CEACAM20: variants seen among roughly 807,000 people sequenced by gnomAD.
CEACAM20 encodes cell adhesion molecule CEACAM20.
CEACAM20 carries 50 observed loss-of-function variants against 61.2 expected under a neutral mutation model. That is an observed-to-expected ratio of 0.82 (90% CI 0.65 to 1.03). The LOEUF (loss-of-function observed/expected upper bound fraction) is 1.03. Among genes scored for constraint, CEACAM20 ranks in the 50% least tolerant of loss-of-function variants. The probability of loss-of-function intolerance (pLI) is 0.00; values close to 1 mark genes in which losing one functional copy is unlikely to be tolerated. For missense variants in CEACAM20, 683 were observed against 736.4 expected, an observed-to-expected ratio of 0.93 and a Z score of 0.84; for synonymous variants, 282 against 287.7, an observed-to-expected ratio of 0.98 and a Z score of 0.20.
chr19:44,515,939 A>C (rs749598855), intron 6 of CEACAM20, among the ~76,000 whole-genome samples: 111 of 152,282 alleles, frequency 7.3e-4, no homozygotes, highest in Non-Finnish European at 8.4e-4. Flanking sequence ...CACACACACA[A>C]AAAAAGGAAT....
At chr19:44,517,709 A>G (rs989825111) in intron 5 of CEACAM20, among the ~76,000 whole-genome samples, 26 of 151,620 alleles carry the variant, frequency 1.7e-4, no homozygotes, top group Admixed American at 1.0e-3. Flanking sequence ...AAAAAAAAAA[A>G]AAAGAAAAAA....
chr19:44,517,317 A>C lies in CEACAM20; in HGVS notation c.1031-93T>G, dbSNP rs1004174951. 2.0e-6 allele frequency: 3 copies of C among 1,467,640 alleles called. No individual in the cohort carries two copies. The Admixed American group carries it at 5.3e-5, about 26-fold the overall frequency. 90.9% of individuals were successfully genotyped at this position (1,467,640 alleles called of 1,614,324 possible). A position where few individuals can be genotyped will look rare whatever the true frequency, so the allele number is the denominator to read the frequency against. ...ACTTTCACCTTGGAATTTCAGTAAA[A>C]TAAACAGAACATACTCCCTTTTCCT... On this transcript the variant is annotated intron_variant, in intron 5 of 11. Coordinates refer to ENST00000614924, the MANE Select transcript of CEACAM20 (RefSeq NM_001102597.3).
chr19:44,511,186 C>G (rs1196561540), intron 10 of CEACAM20, 31 bp from the exon 11 acceptor site: 1 of 1,610,508 alleles, frequency 6.2e-7, no homozygotes, highest in East Asian at 2.2e-5. Context: ...TAGGCAGGGC[C>G]CACAGACACA....
chr19:44,525,044 T>G, intron 2 of CEACAM20, 57 bp downstream of exon 2: 1 of 1,592,536 alleles, frequency 6.3e-7, no homozygotes. Context: ...GAGGTTCGGA[T>G]GAGGGATCTC....
At chr19:44,520,227 G>A (rs1049497618) in intron 5 of CEACAM20, among the ~76,000 whole-genome samples, 1 of 152,168 alleles carries the variant, frequency 6.6e-6, no homozygotes, top group Non-Finnish European at 1.5e-5. Context: ...AGGCCAGTGA[G>A]ACCCTGTGAA....
At chr19:44,529,377 CA>C (rs1971643139) in intron 1 of CEACAM20, 80 bp downstream of exon 1, 1 of 1,253,214 alleles carries the variant, frequency 8.0e-7, no homozygotes. Flanking sequence ...CACACACACA[CA>C]CACACACACA....
At chr19:44,529,385 CACACACACA>C in intron 1 of CEACAM20, 64 bp downstream of exon 1, 1 of 1,333,292 alleles carries the variant, frequency 7.5e-7, no homozygotes, top group Admixed American at 1.7e-5. Flanking sequence ...CACACACACA[CACACACACA>C]CCGCTGACAA....
rs199992941 is a variant in CEACAM20, at chr19:44,520,581, G to A, written c.923C>T (p.Thr308Ile). The A allele has an allele frequency of 2.4e-4, 388 of 1,614,008 alleles. No individual in the cohort carries two copies. Among genetic ancestry groups the A allele is most frequent in the Non-Finnish European group, 3.0e-4 (352 of 1,179,894 alleles). The change falls in exon 5 of 12, where the codon ACC (threonine) becomes ATC (isoleucine). Residue 308 changes from threonine to isoleucine, a missense_variant. Transcript: ENST00000614924. ...EHLQLSADNR[T>I]LIIHGLQRND... Reference sequence around the variant, plus strand: ...CCGCTGGAGGCCATGGATGATTAGGGTCCTGTTGTCAGCTGACAGCTGCAG... The same window carrying A: ...CCGCTGGAGGCCATGGATGATTAGGATCCTGTTGTCAGCTGACAGCTGCAG...
intron 5 of CEACAM20, among the ~76,000 whole-genome samples, chr19:44,518,609 A>G (rs1215289727): frequency 1.3e-5 from 2 of 152,086 alleles, no homozygotes; most frequent in Non-Finnish European, 2.9e-5. Context: ...TTTAAGAGTC[A>G]TACTTTATTT....
At chr19:44,508,674 G>A (rs1456646313) in intron 11 of CEACAM20, among the ~76,000 whole-genome samples, 2 of 152,200 alleles carry the variant, frequency 1.3e-5, no homozygotes, top group African/African-American at 4.8e-5. Context: ...ACAGGCGTGA[G>A]CCACCGCGCC....
intron 5 of CEACAM20, 97 bp downstream of exon 5, chr19:44,520,377 G>C: frequency 6.8e-7 from 1 of 1,462,488 alleles, no homozygotes; most frequent in East Asian, 2.3e-5. Flanking sequence ...CACAGAGCAG[G>C]AGCTCAATAA....
chr19:44,528,470 C>T (rs1469873882), intron 1 of CEACAM20, among the ~76,000 whole-genome samples: 5 of 152,138 alleles, frequency 3.3e-5, no homozygotes, highest in Non-Finnish European at 7.4e-5. Context: ...GTGATCCACC[C>T]GCCTTGGCCC....
intron 11 of CEACAM20, among the ~76,000 whole-genome samples, chr19:44,507,505 A>C (rs1970853164): frequency 6.6e-6 from 1 of 152,228 alleles, no homozygotes; most frequent in Admixed American, 6.5e-5. Context: ...ATAGAAATTC[A>C]ATCTGGATTG....
At chr19:44,510,309 C>T (rs1970933078) in intron 11 of CEACAM20, among the ~76,000 whole-genome samples, 1 of 151,660 alleles carries the variant, frequency 6.6e-6, no homozygotes, top group Non-Finnish European at 1.5e-5. Flanking sequence ...GTCAGGAATT[C>T]AAGACCAGCC....
chr19:44,510,611 A>AGG (rs71171251), intron 11 of CEACAM20, among the ~76,000 whole-genome samples: 3,195 of 71,600 alleles, frequency 0.045, 87 homozygotes, highest in African/African-American at 0.086. Flanking sequence ...AAAGAAAGAA[A>AGG]AAGGAAGGAA....
intron 11 of CEACAM20, 119 bp downstream of exon 11, chr19:44,510,911 A>T: frequency 1.6e-6 from 2 of 1,215,844 alleles, no homozygotes; most frequent in Non-Finnish European, 2.3e-6. Flanking sequence ...GGAATTGAGA[A>T]GATTTTTAAA....
chr19:44,511,901 G>T, intron 9 of CEACAM20, 116 bp downstream of exon 9: 1 of 1,059,338 alleles, frequency 9.4e-7, no homozygotes, highest in Non-Finnish European at 1.4e-6. Flanking sequence ...GATGCAGAGA[G>T]ACTTAACCTG....
chr19:44,528,861 T>C (rs1971619245), intron 1 of CEACAM20, among the ~76,000 whole-genome samples: 1 of 151,276 alleles, frequency 6.6e-6, no homozygotes, highest in Non-Finnish European at 1.5e-5. Context: ...CTGACAAATA[T>C]ACATATATCT....
At chr19:44,516,322 A>C (rs187827959) in intron 6 of CEACAM20, among the ~76,000 whole-genome samples, 22 of 152,316 alleles carry the variant, frequency 1.4e-4, no homozygotes, top group Non-Finnish European at 2.1e-4. Flanking sequence ...GATAGGCATC[A>C]CGATATGATT....
Sources: allele counts gnomAD v4.1 joint callset (sites outside exome capture counted in the v4.1 genomes callset), GRCh38; gene constraint gnomAD v4.1.1; transcripts MANE v1.5; gene names NCBI Gene and HGNC (gene_info 2026-07-23, HGNC 2026-07-21).